CLDN16: variants seen among roughly 807,000 people sequenced by gnomAD.
CLDN16 encodes claudin 16.
CLDN16 carries 13 observed loss-of-function variants against 24.6 expected under a neutral mutation model. The observed-to-expected ratio is 0.53, with a 90% CI of 0.34 to 0.84. The LOEUF is 0.84. Ranked by LOEUF, CLDN16 falls within the 40% of genes least tolerant of loss-of-function variation. CLDN16 has a pLI of 0.01. For synonymous variants in CLDN16, 116 were observed against 106.7 expected, an observed-to-expected ratio of 1.09 and a Z score of -0.54; for missense variants, 298 against 292.7, an observed-to-expected ratio of 1.02 and a Z score of -0.13.
the CLDN16 span, among the ~76,000 whole-genome samples, chr3:190,296,335 T>C: frequency 6.6e-6 from 1 of 152,062 alleles, no homozygotes; most frequent in Non-Finnish European, 1.5e-5. Flanking sequence ...TAGAGTGTCA[T>C]AGGTGGCTAC....
At chr3:190,291,016 A>G in the CLDN16 span, among the ~76,000 whole-genome samples, 1 of 152,168 alleles carries the variant, frequency 6.6e-6, no homozygotes, top group Non-Finnish European at 1.5e-5. Context: ...ACTATTTTCT[A>G]TATGATGGTC....
At chr3:190,360,202 T>C (rs567046823) in intron 1 of CLDN16, among the ~76,000 whole-genome samples, 14 of 152,122 alleles carry the variant, frequency 9.2e-5, no homozygotes, top group East Asian at 1.9e-4. Flanking sequence ...GCAGAAGATA[T>C]ACAAAATTCT....
At chr3:190,374,200 A>G (rs1201919660) in intron 2 of CLDN16, among the ~76,000 whole-genome samples, 1 of 151,576 alleles carries the variant, frequency 6.6e-6, no homozygotes, top group African/African-American at 2.4e-5. Flanking sequence ...AGTCTACCAT[A>G]TGAGTAATGG....
At chr3:190,402,112 C>T (rs1257258216) in intron 1 of CLDN16, among the ~76,000 whole-genome samples, 1 of 152,170 alleles carries the variant, frequency 6.6e-6, no homozygotes, top group East Asian at 1.9e-4. Context: ...CTACCCCCAC[C>T]CTTCATGAGG....
chr3:190,302,166 T>G, the CLDN16 span, among the ~76,000 whole-genome samples: 1 of 152,226 alleles, frequency 6.6e-6, no homozygotes, highest in Non-Finnish European at 1.5e-5. Flanking sequence ...ACCACTTGAT[T>G]TGTTTCATCT....
chr3:190,353,115 T>C (rs1238876662), intron 1 of CLDN16, among the ~76,000 whole-genome samples: 1 of 152,086 alleles, frequency 6.6e-6, no homozygotes, highest in African/African-American at 2.4e-5. Flanking sequence ...TCCAAAGAGT[T>C]ATCATGAGCA....
chr3:190,402,596 T>C (rs1718992570), intron 2 of CLDN16, among the ~76,000 whole-genome samples, 157 bp downstream of exon 2: 1 of 152,160 alleles, frequency 6.6e-6, no homozygotes, highest in Non-Finnish European at 1.5e-5. Context: ...AAATGTGAAT[T>C]GAAATATATA....
chr3:190,298,214 C>T, the CLDN16 span, among the ~76,000 whole-genome samples: 76 of 152,192 alleles, frequency 5.0e-4, no homozygotes, highest in Middle Eastern at 3.4e-3. Flanking sequence ...AGGACTAGAA[C>T]GTTACCAACA....
At chr3:190,321,789 A>G (rs1716928306), upstream of CLDN16, among the ~76,000 whole-genome samples, 1 of 152,164 alleles carries the variant, frequency 6.6e-6, no homozygotes, top group Admixed American at 6.5e-5. Flanking sequence ...TAGAGGCAAA[A>G]CTAGAGCTTA....
rs898316282 is a variant in CLDN16 at position 190,404,874 on chromosome 3, G to A, written c.330G>A (p.Pro110=). Residue 110 remains proline, a synonymous_variant, in exon 3 of 5, where the codon CCG becomes CCA. Coordinates refer to ENST00000264734, the MANE Select transcript of CLDN16 (RefSeq NM_006580.4). ...GCGTGAAATTCCTCCCTGATGAGCC[G>A]TACATTAAAGTCCGCATCTGCTTTG... ...LDCVKFLPDE[P]YIKVRICFVA... is the part of the protein sequence containing the mutation. 5.6e-6 allele frequency: 9 copies of A among 1,614,050 alleles called. No individual in the cohort carries two copies. Among genetic ancestry groups the A allele is most frequent in the Non-Finnish European group, 6.8e-6 (8 of 1,180,000 alleles).
At chr3:190,364,201 A>G (rs965586239) in intron 1 of CLDN16, among the ~76,000 whole-genome samples, 5 of 152,054 alleles carry the variant, frequency 3.3e-5, no homozygotes, top group Admixed American at 3.3e-4. Flanking sequence ...ATGTAGCAGT[A>G]TTGCAGTGGT....
intron 1 of CLDN16, among the ~76,000 whole-genome samples, chr3:190,390,198 C>T (rs62278699): frequency 0.19 from 28,362 of 152,170 alleles, 3,085 homozygotes; most frequent in Middle Eastern, 0.29. Flanking sequence ...TCTTATTTCC[C>T]ATACTTAAAA....
chr3:190,372,872 A>C (rs876234), intron 2 of CLDN16, among the ~76,000 whole-genome samples: 129,290 of 151,842 alleles, frequency 0.85, 55,127 homozygotes, highest in East Asian at 0.89. Context: ...TGTGAGCCTG[A>C]ATCTTTAGCT....
chr3:190,409,650 A>G (rs1719219205), intron 4 of CLDN16, among the ~76,000 whole-genome samples: 2 of 152,022 alleles, frequency 1.3e-5, no homozygotes, highest in Admixed American at 6.6e-5. Context: ...CACCTAAAAA[A>G]CTAAGGGAAT....
the CLDN16 span, among the ~76,000 whole-genome samples, chr3:190,315,650 C>G: frequency 6.6e-6 from 1 of 152,146 alleles, no homozygotes. Flanking sequence ...TCTTTTTCAA[C>G]CTTTTATTAA....
chr3:190,340,302 A>G (rs1003311159), intron 1 of CLDN16, among the ~76,000 whole-genome samples: 13 of 152,218 alleles, frequency 8.5e-5, no homozygotes, highest in African/African-American at 2.9e-4. Context: ...TGATGAAAAC[A>G]TACCTGAGAC....
chr3:190,324,642 C>T (rs1021338159), intron 1 of CLDN16, among the ~76,000 whole-genome samples: 3 of 152,188 alleles, frequency 2.0e-5, no homozygotes, highest in East Asian at 1.9e-4. Context: ...AGCAGGGTCC[C>T]GTGTTTTTGT....
At chr3:190,381,167 T>C (rs913777539) in intron 3 of CLDN16, among the ~76,000 whole-genome samples, 5 of 151,774 alleles carry the variant, frequency 3.3e-5, no homozygotes, top group African/African-American at 1.2e-4. Flanking sequence ...AGAAAAAGAG[T>C]AAAGGGAGAG....
At chr3:190,359,983 G>A (rs1214220564) in intron 1 of CLDN16, among the ~76,000 whole-genome samples, 1 of 151,952 alleles carries the variant, frequency 6.6e-6, no homozygotes, top group Non-Finnish European at 1.5e-5. Flanking sequence ...CTCTGGCTAG[G>A]GCTGGAATTC....
Sources: allele counts gnomAD v4.1 joint callset (sites outside exome capture counted in the v4.1 genomes callset), GRCh38; gene constraint gnomAD v4.1.1; transcripts MANE v1.5; gene names NCBI Gene and HGNC (gene_info 2026-07-23, HGNC 2026-07-21).